PODNL1: variants seen among roughly 807,000 people sequenced by gnomAD.
PODNL1 encodes podocan-like protein 1.
PODNL1 carries 50 observed loss-of-function variants against 45.1 expected under a neutral mutation model. That is an observed-to-expected ratio of 1.11 (90% CI 0.88 to 1.40). The LOEUF (loss-of-function observed/expected upper bound fraction) is 1.40, where lower values mean the gene tolerates loss of function less well. Ranked by LOEUF, PODNL1 falls within the 40% of genes most tolerant of loss-of-function variation. The probability of loss-of-function intolerance (pLI) is 0.00; values close to 1 mark genes in which losing one functional copy is unlikely to be tolerated. For missense variants in PODNL1, 788 were observed against 793.3 expected, an observed-to-expected ratio of 0.99 and a Z score of 0.08; for synonymous variants, 406 against 372.5, an observed-to-expected ratio of 1.09 and a Z score of -1.04.
chr19:13,948,774 C>CAAAAAAAA (rs781038849), intron 1 of PODNL1, among the ~76,000 whole-genome samples: 1 of 68,190 alleles, frequency 1.5e-5, no homozygotes, highest in African/African-American at 4.9e-5. Flanking sequence ...CCTGCCTCTA[C>CAAAAAAAA]AAAAAAAAAA....
upstream of PODNL1, among the ~76,000 whole-genome samples, chr19:13,942,843 C>A (rs1399478415): frequency 6.6e-6 from 1 of 150,892 alleles, no homozygotes; most frequent in African/African-American, 2.4e-5. Context: ...AAAAAAACAA[C>A]AAAAAAAATT....
chr19:13,932,093 T>C lies in PODNL1; in HGVS notation c.1445A>G (p.Asn482Ser), dbSNP rs1599420748. 10 of 1,233,292 alleles carry C rather than the reference T, an allele frequency of 8.1e-6. No homozygotes were observed. The highest frequency in any genetic ancestry group is 4.1e-5 in the South Asian group (1 of 24,362). The allele number at this position is 1,233,292 out of a possible 1,614,324, so 76.4% of individuals were successfully genotyped here. A position where few individuals can be genotyped will look rare whatever the true frequency, so the allele number is the denominator to read the frequency against. ...QALQMLDLSH[N>S]ELSFVPPDLP... is the part of the protein sequence containing the mutation. ...GTCCGGGGGCACAAAGGACAGCTCA[T>C]TGTGGCTGAGGTCCAGCATCTGGGC... Residue 482 changes from asparagine (N) to serine (S), a missense_variant, in exon 9 of 10, where the codon AAT becomes AGT. Asn to Ser is a conservative substitution (Grantham distance 46, BLOSUM62 1). Transcript: ENST00000588872.
chr19:13,945,392 C>A (rs1428139816), intron 1 of PODNL1, among the ~76,000 whole-genome samples: 1 of 151,582 alleles, frequency 6.6e-6, no homozygotes, highest in Non-Finnish European at 1.5e-5. Flanking sequence ...AGGTGGCTCA[C>A]GGTTGTAATC....
chr19:13,932,205 C>T (rs1971994976), intron 8 of PODNL1, 93 bp from the exon 9 acceptor site: 1 of 1,234,936 alleles, frequency 8.1e-7, no homozygotes, highest in Non-Finnish European at 1.0e-6. Flanking sequence ...TCCCCTGCCC[C>T]CTTCATACCA....
rs752293561 is a variant in PODNL1 at position 13,935,709 on chromosome 19, G to C, written c.494+12C>G. 27 of 1,531,680 alleles carry C rather than the reference G, an allele frequency of 1.8e-5. No individual in the cohort carries two copies. Among genetic ancestry groups the C allele is most frequent in the African/African-American group, 2.8e-5 (2 of 71,814 alleles). 94.9% of individuals were successfully genotyped at this position (1,531,680 alleles called of 1,614,324 possible). ...TCTGAGGCCTGGGGGCCTGGGCTGGGCCAGGGTCTACCTGAGTGCCGGCTT... is the reference window on the plus strand; with the variant it reads ...TCTGAGGCCTGGGGGCCTGGGCTGGCCCAGGGTCTACCTGAGTGCCGGCTT... On this transcript the variant is annotated intron_variant, in intron 5 of 9. Coordinates refer to ENST00000588872, the MANE Select transcript of PODNL1 (RefSeq NM_001370095.3).
intron 1 of PODNL1, among the ~76,000 whole-genome samples, chr19:13,947,885 G>A (rs73515550): frequency 1.5e-3 from 222 of 152,080 alleles, no homozygotes; most frequent in African/African-American, 4.9e-3. Flanking sequence ...CTGAGACAGC[G>A]TCTCATTCTG....
rs759640560 is a variant in PODNL1 at position 13,934,343 on chromosome 19, C to T, written c.562G>A (p.Glu188Lys). The change falls in exon 6 of 10, where the codon GAG becomes AAG. Residue 188 changes from glutamate to lysine, a missense_variant. Transcript: ENST00000588872. ...GAGAGGCTGAGGGTGGCGATGGCCT[C>T]GGAGCCGCGGAAGGCGTCGGGGGGC... ...GLPPDAFRGS[E>K]AIATLSLSNN... The T allele has an allele frequency of 9.6e-6, 15 of 1,554,756 alleles. No homozygotes were observed. The highest frequency in any genetic ancestry group is 8.1e-5 in the Admixed American group (4 of 49,468).
At chr19:13,949,520 G>C (rs1385113795) in intron 1 of PODNL1, 1 of 152,068 alleles carries the variant, frequency 6.6e-6, no homozygotes, top group Non-Finnish European at 1.5e-5. Flanking sequence ...CTTAACAGTT[G>C]CCGAGGCTGG....
chr19:13,943,920 T>C (rs1018174711), intron 1 of PODNL1, among the ~76,000 whole-genome samples: 1 of 152,164 alleles, frequency 6.6e-6, no homozygotes, highest in Non-Finnish European at 1.5e-5. Flanking sequence ...ACAGGACATC[T>C]ACCTATCTAT....
chr19:13,945,192 C>T (rs547832798), intron 1 of PODNL1, among the ~76,000 whole-genome samples: 2 of 152,180 alleles, frequency 1.3e-5, no homozygotes, highest in South Asian at 4.1e-4. Context: ...CACCACTGTG[C>T]CCTGTACATC....
Position 13,933,089 on chromosome 19 carries a change from C to CCG in PODNL1, c.1133_1134insCG (p.Glu379GlyfsTer36). ...GGCGGTTATAGGCCAGGTTAAGCTCCGTCAGGCCCGGTGTGGCGACCAGGT... is the reference window on the plus strand; with the variant it reads ...GGCGGTTATAGGCCAGGTTAAGCTCCCGGTCAGGCCCGGTGTGGCGACCAGGT... On this transcript the variant is annotated frameshift_variant, in exon 8 of 10. Transcript: ENST00000588872. LOFTEE classifies it high-confidence loss of function. The surrounding 1 kb of genome is among the most constrained non-coding windows in gnomAD (Gnocchi z 5.2). The CCG allele has an allele frequency of 6.5e-7, 1 of 1,531,056 alleles. No homozygotes were observed. Among genetic ancestry groups the CCG allele is most frequent in the Non-Finnish European group, 8.7e-7 (1 of 1,143,130 alleles). The allele number at this position is 1,531,056 out of a possible 1,614,324, so 94.8% of individuals were successfully genotyped here.
chr19:13,935,788 C>A lies in PODNL1; in HGVS notation c.427G>T (p.Ala143Ser). The change falls in exon 5 of 10, where the codon GCG becomes TCG. Residue 143 changes from alanine (A) to serine (S), a missense_variant. Ala to Ser is a moderately conservative substitution (Grantham distance 99). Around this residue, in one of 3 missense-constraint regions of PODNL1, gnomAD observed 762 missense variants for 750.9 expected, o/e 1.01. Coordinates refer to ENST00000588872, the MANE Select transcript of PODNL1 (RefSeq NM_001370095.3). ...ATCACTTGGTTGGCAGCCAGATCCGCGACACGGAGGGACCGGGGCAGAAAC... is the reference window on the plus strand; with the variant it reads ...ATCACTTGGTTGGCAGCCAGATCCGAGACACGGAGGGACCGGGGCAGAAAC... ...PQFLPRSLRV[A>S]DLAANQVMEI... 1 of 1,598,704 alleles carries A rather than the reference C, an allele frequency of 6.3e-7. No homozygotes were observed. The highest frequency in any genetic ancestry group is 8.5e-7 in the Non-Finnish European group (1 of 1,175,550).
At chr19:13,947,951 C>T (rs900716184) in intron 1 of PODNL1, among the ~76,000 whole-genome samples, 3 of 152,138 alleles carry the variant, frequency 2.0e-5, no homozygotes, top group Admixed American at 2.0e-4. Context: ...CCTTGAACTC[C>T]TGGGCTCAAG....
At chr19:13,950,737 AC>A in intron 1 of PODNL1, among the ~76,000 whole-genome samples, 1 of 152,190 alleles carries the variant, frequency 6.6e-6, no homozygotes, top group African/African-American at 2.4e-5. Context: ...AAGCAGGGGA[AC>A]CTTTGGCTAA....
At chr19:13,938,488 CA>C (rs1433061980), upstream of PODNL1, 43 of 1,221,890 alleles carry the variant, frequency 3.5e-5, no homozygotes, top group Non-Finnish European at 4.0e-5. Context: ...GGCCGGGCCA[CA>C]AGAACAAGGA....
At chr19:13,936,770 C>T (rs1280730665) in intron 2 of PODNL1, among the ~76,000 whole-genome samples, 2 of 110,744 alleles carry the variant, frequency 1.8e-5, no homozygotes, top group African/African-American at 3.6e-5. Flanking sequence ...CCCCCACAAT[C>T]GACCCCAAAT....
intron 1 of PODNL1, chr19:13,952,387 A>G: frequency 8.5e-7 from 1 of 1,178,288 alleles, no homozygotes; most frequent in East Asian, 3.2e-5. Context: ...TTTGATGGAC[A>G]GGCATAGCGC....
chr19:13,940,388 T>C (rs1328319914), upstream of PODNL1, among the ~76,000 whole-genome samples: 1 of 143,416 alleles, frequency 7.0e-6, no homozygotes, highest in Admixed American at 7.2e-5. Context: ...TGGCTAACAC[T>C]GTGAAACCCC....
At chr19:13,942,468 C>T (rs1368323731), upstream of PODNL1, among the ~76,000 whole-genome samples, 1 of 152,190 alleles carries the variant, frequency 6.6e-6, no homozygotes, top group East Asian at 1.9e-4. Flanking sequence ...GGCTAGGAAC[C>T]TAACCATTGT....
Sources: gnomAD v4.1 joint callset for allele counts (sites outside exome capture counted in the v4.1 genomes callset) on GRCh38, gnomAD v4.1.1 for gene constraint, gnomAD v4.1.1 regional missense constraint, Gnocchi (gnomAD v3.1) non-coding constraint, MANE v1.5 for transcripts, NCBI Gene and HGNC (gene_info 2026-07-23, HGNC 2026-07-21) for gene names.